The following GBP4 variants were observed in gnomAD, a reference collection of about 807,000 sequenced individuals.
GBP4 encodes guanylate binding protein 4, also known as guanylate-binding protein 4.
Under a neutral mutation model 62.2 loss-of-function variants are expected in GBP4, and 69 were observed. The observed-to-expected ratio is 1.11, with a 90% CI of 0.91 to 1.36. GBP4 has a LOEUF of 1.36. Among genes scored for constraint, GBP4 ranks in the 40% most tolerant of loss-of-function variants. The probability of loss-of-function intolerance (pLI) is 0.00; values close to 1 mark genes in which losing one functional copy is unlikely to be tolerated. For synonymous variants in GBP4, 278 were observed against 274.6 expected (o/e 1.01, Z -0.12); for missense variants, 697 against 759.3 (o/e 0.92, Z 0.96).
At position 89,190,029 on chromosome 1, in the gene GBP4, TA is replaced by T. The variant is rs1348206092; in HGVS notation, c.1197+8del. 11 of 1,600,898 alleles carry T rather than the reference TA, an allele frequency of 6.9e-6. No individual in the cohort carries two copies. The highest frequency in any genetic ancestry group is 3.4e-5 in the Admixed American group (2 of 59,360). Reference sequence around the variant, plus strand: ...GGCAGAAATCAGGAAGGATAAATGCTAAAAGTACCACAAGCTTCTTCTGGAA... The same window carrying T: ...GGCAGAAATCAGGAAGGATAAATGCTAAAGTACCACAAGCTTCTTCTGGAA... On this transcript the variant is annotated splice_region_variant and intron_variant, in intron 7 of 10. Transcript: ENST00000355754.
At chr1:89,193,877 A>G (rs573929017) in intron 3 of GBP4, among the ~76,000 whole-genome samples, 1 of 152,356 alleles carries the variant, frequency 6.6e-6, no homozygotes, top group South Asian at 2.1e-4. Flanking sequence ...GCAGATAAAC[A>G]TGTCAATATA....
At position 89,191,499 on chromosome 1, in the gene GBP4, A is replaced by G; in HGVS notation, c.678T>C (p.Asn226=). Reference sequence around the variant, plus strand: ...GCATGTTTGAATTTTGAATTTTGGGATTCTTGCCTGTGGAATTGTAAAAAA... The same window carrying G: ...GCATGTTTGAATTTTGAATTTTGGGGTTCTTGCCTGTGGAATTGTAAAAAA... The part of the protein sequence containing the change: ...ENALKLIPGK[N]PKIQNSNMPR... The change falls in exon 6 of 11, where the codon AAT becomes AAC. Residue 226 remains asparagine (N), a synonymous_variant. Coordinates refer to ENST00000355754, the MANE Select transcript of GBP4 (RefSeq NM_052941.5). The G allele has an allele frequency of 6.2e-7, 1 of 1,612,012 alleles. No individual in the cohort carries two copies. The highest frequency in any genetic ancestry group is 1.1e-5 in the South Asian group (1 of 91,020).
At chr1:89,192,754 C>A in intron 5 of GBP4, 150 bp downstream of exon 5, 1 of 649,132 alleles carries the variant, frequency 1.5e-6, no homozygotes, top group East Asian at 2.9e-5. Flanking sequence ...CCACAAAAAT[C>A]ATAATCACTT....
chr1:89,190,329 T>C lies in GBP4; in HGVS notation c.917-11A>G, dbSNP rs1367218094. The C allele has an allele frequency of 1.3e-6, 2 of 1,567,918 alleles. No individual in the cohort carries two copies. The highest frequency in any genetic ancestry group is 2.7e-5 in the African/African-American group (2 of 73,586). On this transcript the variant is annotated splice_polypyrimidine_tract_variant and intron_variant, in intron 6 of 10. Coordinates refer to ENST00000355754, the MANE Select transcript of GBP4 (RefSeq NM_052941.5). ...CCAGAGTCCCCAGCCCTGAATCACA[T>C]ATATTTAGGGAAAATTTACAGTTCT...
In GBP4 at chr1:89,190,309, G is replaced by A. The variant is rs1171211532; in HGVS notation, c.926C>T (p.Thr309Ile). The change falls in exon 7 of 11, where the codon ACT (threonine) becomes ATT (isoleucine). Residue 309 changes from threonine to isoleucine, a missense_variant. Physicochemically the swap from Thr to Ile is moderately conservative, Grantham distance 89 (BLOSUM62 -1). Coordinates refer to ENST00000355754, the MANE Select transcript of GBP4 (RefSeq NM_052941.5). ...GIIVTGKRLG[T>I]LVVTYVDAIN... ...GGCATCTACATAAGTCACCACCAGA[G>A]TCCCCAGCCCTGAATCACATATATT... 2 of 1,603,334 alleles carry A rather than the reference G, an allele frequency of 1.2e-6. No individual in the cohort carries two copies. Among genetic ancestry groups the A allele is most frequent in the South Asian group, 1.1e-5 (1 of 90,672 alleles).
Position 89,195,397 on chromosome 1 carries a change from G to T in GBP4, c.263C>A (p.Ser88Tyr), listed in dbSNP as rs1422501715. The change falls in exon 3 of 11, where the codon TCT (serine) becomes TAT (tyrosine). Residue 88 changes from serine to tyrosine, a missense_variant. By Grantham distance (144) the Ser-to-Tyr change is moderately radical. Coordinates refer to ENST00000355754, the MANE Select transcript of GBP4 (RefSeq NM_052941.5). ...NGFPLGSTVQ[S>Y]ETKGIWMWCV... Reference sequence around the variant, plus strand: ...CCACATCCAGATGCCCTTAGTTTCAGACTGCACCGTGGAGCCCAGAGGGAA... The same window carrying T: ...CCACATCCAGATGCCCTTAGTTTCATACTGCACCGTGGAGCCCAGAGGGAA... 1.2e-6 allele frequency: 2 copies of T among 1,613,978 alleles called. No individual in the cohort carries two copies. Among genetic ancestry groups the T allele is most frequent in the Non-Finnish European group, 1.7e-6 (2 of 1,179,894 alleles).
Position 89,185,194 on chromosome 1 carries a change from T to C in GBP4, c.*60A>G. On this transcript the variant is annotated 3_prime_UTR_variant, in exon 11 of 11. Coordinates refer to ENST00000355754, the MANE Select transcript of GBP4 (RefSeq NM_052941.5). ...ATACTTACAAAATGAGCAACAGTGT[T>C]ATGTTATTAAAATAAAATAAACCTC... 1 of 1,017,440 alleles carries C rather than the reference T, an allele frequency of 9.8e-7. No individual in the cohort carries two copies. The highest frequency in any genetic ancestry group is 1.5e-6 in the Non-Finnish European group (1 of 652,794). 63.0% of individuals were successfully genotyped at this position (1,017,440 alleles called of 1,614,324 possible). A position where few individuals can be genotyped will look rare whatever the true frequency, so the allele number is the denominator to read the frequency against.
At position 89,194,056 on chromosome 1, in the gene GBP4, GA is replaced by G. The variant is rs759452665; in HGVS notation, c.364-645del. ...GACAGGCATATGAAGGCAGCAGTTT[GA>G]AAATAGTTGCACTTCAAAAAGTTGA... On this transcript the variant is annotated intron_variant, in intron 3 of 10. Coordinates refer to ENST00000355754, the MANE Select transcript of GBP4 (RefSeq NM_052941.5). Among the ~76,000 whole-genome samples, 56 of 152,324 alleles carry G rather than the reference GA, an allele frequency of 3.7e-4. 6 individuals are homozygous for G. Among genetic ancestry groups the G allele is most frequent in the Admixed American group, 9.2e-4 (14 of 15,300 alleles).
At chr1:89,198,705 C>A in intron 1 of GBP4, 90 bp downstream of exon 1, 1 of 1,137,184 alleles carries the variant, frequency 8.8e-7, no homozygotes, top group Admixed American at 1.7e-5. Context: ...AGTCTCCAAC[C>A]CTCCCCGTGT....
rs771533053 is a variant in GBP4 at position 89,186,355 on chromosome 1, C to T, written c.1685G>A (p.Arg562Lys). The T allele has an allele frequency of 7.4e-6, 12 of 1,613,100 alleles. No homozygotes were observed. The highest frequency in any genetic ancestry group is 1.0e-5 in the Non-Finnish European group (12 of 1,179,116). Residue 562 changes from arginine (R) to lysine (K), a missense_variant, in exon 10 of 11, where the codon AGG (arginine) becomes AAG (lysine). Arg to Lys is a conservative substitution (Grantham distance 26). This residue lies in a region of GBP4 where 141 missense variants were observed against 196.6 expected (regional missense o/e 0.72). Coordinates refer to ENST00000355754, the MANE Select transcript of GBP4 (RefSeq NM_052941.5). ...CACCTTCAGCTTGTGTTTTAGCAGC[C>T]TTTCATGCTCTCTGAGAAGGTTTTC... is the stretch of plus-strand genomic sequence containing the variant. ...ERENLLREHE[R>K]LLKHKLKVQE... is the part of the protein sequence containing the mutation.
In GBP4 at chr1:89,185,168, T is replaced by C. The variant is rs1346190312; in HGVS notation, c.*86A>G. 13 of 832,782 alleles carry C rather than the reference T, an allele frequency of 1.6e-5. No homozygotes were observed. In the Admixed American group the frequency reaches 2.8e-4, roughly 18 times the overall value. The allele number at this position is 832,782 out of a possible 1,614,324, so 51.6% of individuals were successfully genotyped here. Reference sequence around the variant, plus strand: ...TCTTGAATGAAACTGCTATAACACATATACTTACAAAATGAGCAACAGTGT... The same window carrying C: ...TCTTGAATGAAACTGCTATAACACACATACTTACAAAATGAGCAACAGTGT... On this transcript the variant is annotated 3_prime_UTR_variant, in exon 11 of 11. Transcript: ENST00000355754.
At position 89,185,023 on chromosome 1, in the gene GBP4, T is replaced by A; in HGVS notation, c.*231A>T. ...CCTTAAATCTTTTCTAGGAATAATGTCACTACTTCTGACTTGTTTCCCATG... is the reference window on the plus strand; with the variant it reads ...CCTTAAATCTTTTCTAGGAATAATGACACTACTTCTGACTTGTTTCCCATG... On this transcript the variant is annotated 3_prime_UTR_variant, in exon 11 of 11. Transcript: ENST00000355754. 2 of 371,310 alleles carry A rather than the reference T, an allele frequency of 5.4e-6. No individual in the cohort carries two copies. The highest frequency in any genetic ancestry group is 9.6e-6 in the Non-Finnish European group (2 of 208,814). The allele number at this position is 371,310 out of a possible 1,614,324, so 23.0% of individuals were successfully genotyped here.
rs1281612750 is a variant in GBP4 at position 89,197,193 on chromosome 1, T to C, written c.152A>G (p.Gln51Arg). 1.2e-6 allele frequency: 2 copies of C among 1,614,190 alleles called. No homozygotes were observed. Among genetic ancestry groups the C allele is most frequent in the Non-Finnish European group, 8.5e-7 (1 of 1,180,016 alleles). The change falls in exon 2 of 11, where the codon CAG (glutamine) becomes CGG (arginine). Residue 51 changes from glutamine (Q) to arginine (R), a missense_variant. Gln to Arg is a conservative substitution (Grantham distance 43). Coordinates refer to ENST00000355754, the MANE Select transcript of GBP4 (RefSeq NM_052941.5). The stretch of plus-strand genomic sequence containing the variant: ...TACAATGGCCACCACCACCACGGGC[T>C]GAGAAATCTTGTCAAGAATCTCTAA... ...KALEILDKIS[Q>R]PVVVVAIVGL...
Position 89,185,293 on chromosome 1 carries a change from T to C in GBP4, c.1884A>G (p.Leu628=), listed in dbSNP as rs1302573770. 45 of 1,613,188 alleles carry C rather than the reference T, an allele frequency of 2.8e-5. No individual in the cohort carries two copies. The highest frequency in any genetic ancestry group is 3.8e-5 in the Non-Finnish European group (45 of 1,179,312). ...MIVTLPGASK[L]LGVGTKYLGS... ...CAAGATATTTTGTCCCTACTCCAAG[T>C]AGCTTGGAAGCCCCAGGTAGAGTGA... Residue 628 remains leucine, a synonymous_variant, in exon 11 of 11, where the codon CTA becomes CTG. Transcript: ENST00000355754.
rs1648304836 is a variant in GBP4 at position 89,195,360 on chromosome 1, G to T, written c.300C>A (p.His100Gln). 2 of 1,614,064 alleles carry T rather than the reference G, an allele frequency of 1.2e-6. No homozygotes were observed. Among genetic ancestry groups the T allele is most frequent in the Non-Finnish European group, 1.7e-6 (2 of 1,179,958 alleles). Residue 100 changes from histidine (H) to glutamine (Q), a missense_variant, in exon 3 of 11, where the codon CAC becomes CAA. Coordinates refer to ENST00000355754, the MANE Select transcript of GBP4 (RefSeq NM_052941.5). ...CCAGGGTGTGGTTTGGCTTAGAGAG[G>T]TGGGGCACACACCACATCCAGATGC... ...TKGIWMWCVP[H>Q]LSKPNHTLVL...
chr1:89,185,533 AT>A, intron 10 of GBP4, 64 bp from the exon 11 acceptor site: 1 of 826,148 alleles, frequency 1.2e-6, no homozygotes, highest in Non-Finnish European at 2.0e-6. Context: ...AGAGTTTTGT[AT>A]TTAACTAATT....
intron 3 of GBP4, among the ~76,000 whole-genome samples, chr1:89,193,880 T>C (rs991858697): frequency 6.6e-6 from 1 of 152,080 alleles, no homozygotes; most frequent in Non-Finnish European, 1.5e-5. Flanking sequence ...GATAAACATG[T>C]CAATATACAA....
At position 89,197,080 on chromosome 1, in the gene GBP4, A is replaced by G. The variant is rs754269530; in HGVS notation, c.235+30T>C. ...AGCTGTGTTATCACTGGTTCCAAGT[A>G]AATGGCTCCTGTCCTAGGACCACAC... On this transcript the variant is annotated intron_variant, in intron 2 of 10. Transcript: ENST00000355754. 3 of 1,573,332 alleles carry G rather than the reference A, an allele frequency of 1.9e-6. No individual in the cohort carries two copies. In the East Asian group the frequency reaches 6.8e-5, roughly 36 times the overall value.
intron 1 of GBP4, among the ~76,000 whole-genome samples, chr1:89,198,013 G>A (rs1031829922): frequency 6.6e-6 from 1 of 152,042 alleles, no homozygotes; most frequent in Non-Finnish European, 1.5e-5. Context: ...GGTTTAGAAA[G>A]GAGAGGTTGG....
Sources: allele counts gnomAD v4.1 joint callset (sites outside exome capture counted in the v4.1 genomes callset), GRCh38; gene constraint gnomAD v4.1.1; regional missense constraint gnomAD v4.1.1; transcripts MANE v1.5; gene names NCBI Gene and HGNC (gene_info 2026-07-23, HGNC 2026-07-21).